Variants in SLC9A9 observed in about 807,000 individuals in gnomAD.
SLC9A9 encodes the protein sodium/hydrogen exchanger 9.
A neutral mutation model predicts 77.8 loss-of-function variants in SLC9A9; 62 were observed. The observed-to-expected ratio is 0.80, with a 90% CI of 0.65 to 0.98. The LOEUF is 0.98. Among genes scored for constraint, SLC9A9 ranks in the 50% least tolerant of loss-of-function variants. The probability of loss-of-function intolerance (pLI) is 0.00; values close to 1 mark genes in which losing one functional copy is unlikely to be tolerated. For synonymous variants in SLC9A9, 320 were observed against 283.5 expected (o/e 1.13, Z -1.29); for missense variants, 775 against 774.9 (o/e 1.00, Z 0.00).
chr3:143,297,333 T>C (rs1051038728), intron 14 of SLC9A9, among the ~76,000 whole-genome samples: 3 of 152,182 alleles, frequency 2.0e-5, no homozygotes, highest in African/African-American at 7.2e-5. Flanking sequence ...ATATACATGG[T>C]TTTCTTGTGT....
At chr3:143,621,071 G>C (rs1051922338) in intron 6 of SLC9A9, among the ~76,000 whole-genome samples, 14 of 152,192 alleles carry the variant, frequency 9.2e-5, no homozygotes, top group African/African-American at 3.4e-4. Context: ...CTGGGGGAGG[G>C]GCGCCCACCA....
intron 14 of SLC9A9, among the ~76,000 whole-genome samples, chr3:143,272,716 A>AT (rs1937931613): frequency 6.6e-6 from 1 of 152,042 alleles, no homozygotes; most frequent in Admixed American, 6.5e-5. Context: ...AAAATGTGTT[A>AT]TTTTTCTCAT....
At chr3:143,380,239 T>C (rs1396057521) in intron 13 of SLC9A9, among the ~76,000 whole-genome samples, 2 of 152,240 alleles carry the variant, frequency 1.3e-5, no homozygotes, top group African/African-American at 4.8e-5. Flanking sequence ...GATTTAACAA[T>C]GATGAACTTT....
chr3:143,800,993 T>A (rs764347077), intron 2 of SLC9A9, among the ~76,000 whole-genome samples: 26 of 152,304 alleles, frequency 1.7e-4, no homozygotes, highest in Non-Finnish European at 3.2e-4. Flanking sequence ...TTCCTAGGCA[T>A]GGTTGGATAC....
At chr3:143,405,429 T>C (rs2033956409) in intron 12 of SLC9A9, among the ~76,000 whole-genome samples, 1 of 152,170 alleles carries the variant, frequency 6.6e-6, no homozygotes, top group Non-Finnish European at 1.5e-5. Context: ...GGCCTACTTT[T>C]GTGGATACTC....
intron 9 of SLC9A9, among the ~76,000 whole-genome samples, chr3:143,530,953 C>T (rs72999706): frequency 0.065 from 9,911 of 152,120 alleles, 624 homozygotes; most frequent in African/African-American, 0.15. Flanking sequence ...GCTTGAACTG[C>T]GAGATATAAT....
chr3:143,447,794 A>G (rs112657759), intron 12 of SLC9A9, among the ~76,000 whole-genome samples: 2,947 of 152,278 alleles, frequency 0.019, 97 homozygotes, highest in African/African-American at 0.066. Context: ...GTCTACCCCA[A>G]TTTGAAGAAC....
chr3:143,832,010 G>GA lies in SLC9A9; in HGVS notation c.378+8dup, dbSNP rs746080119. 6.2e-7 allele frequency: 1 copy of GA among 1,607,728 alleles called. No individual in the cohort carries two copies. Among genetic ancestry groups the GA allele is most frequent in the South Asian group, 1.1e-5 (1 of 90,878 alleles). ...AAAACAAATATATAATACCAGACAG[G>GA]ATCCTTACCTTTTCAAGTATAGCAT... On this transcript the variant is annotated intron_variant, in intron 2 of 15. Coordinates refer to ENST00000316549, the MANE Select transcript of SLC9A9 (RefSeq NM_173653.4).
At chr3:143,606,056 A>G (rs1387692981) in intron 6 of SLC9A9, among the ~76,000 whole-genome samples, 4 of 152,160 alleles carry the variant, frequency 2.6e-5, no homozygotes, top group African/African-American at 9.7e-5. Context: ...AATCATATAA[A>G]TTAATATCCT....
At chr3:143,831,916 T>C (rs953389395) in intron 2 of SLC9A9, 103 bp downstream of exon 2, 2 of 1,022,308 alleles carry the variant, frequency 2.0e-6, no homozygotes, top group Non-Finnish European at 2.9e-6. Context: ...AAAATAGGCA[T>C]ATATGTGTGT....
intron 2 of SLC9A9, among the ~76,000 whole-genome samples, chr3:143,807,154 T>C (rs1167498483): frequency 6.6e-6 from 1 of 152,122 alleles, no homozygotes; most frequent in African/African-American, 2.4e-5. Flanking sequence ...AGAAAACAGT[T>C]GTGTGTAGGC....
At chr3:143,837,473 A>G (rs2009595992) in intron 1 of SLC9A9, among the ~76,000 whole-genome samples, 1 of 152,192 alleles carries the variant, frequency 6.6e-6, no homozygotes, top group Non-Finnish European at 1.5e-5. Context: ...AGAATAATCT[A>G]GATTCATGAG....
At chr3:143,446,233 G>T (rs1021027921) in intron 12 of SLC9A9, among the ~76,000 whole-genome samples, 2 of 151,950 alleles carry the variant, frequency 1.3e-5, no homozygotes, top group African/African-American at 4.8e-5. Context: ...AGAAGGGGGG[G>T]CCCTAACTGG....
intron 14 of SLC9A9, among the ~76,000 whole-genome samples, chr3:143,329,232 G>A (rs933322493): frequency 6.6e-6 from 1 of 152,154 alleles, no homozygotes; most frequent in Non-Finnish European, 1.5e-5. Context: ...TTTTTTGTCC[G>A]TTGAAGGTGA....
intron 14 of SLC9A9, among the ~76,000 whole-genome samples, chr3:143,309,437 T>C (rs928055167): frequency 2.7e-5 from 4 of 149,760 alleles, no homozygotes; most frequent in African/African-American, 9.9e-5. Flanking sequence ...AAAAAAAGGT[T>C]CATTTGGGGT....
intron 12 of SLC9A9, among the ~76,000 whole-genome samples, chr3:143,424,349 T>C (rs13094836): frequency 0.38 from 57,317 of 151,116 alleles, 11,237 homozygotes; most frequent in Middle Eastern, 0.47. Flanking sequence ...TCATTGCAAG[T>C]TCCGCCTCCC....
Position 143,775,947 on chromosome 3 carries a change from T to C in SLC9A9, c.533+19054A>G, listed in dbSNP as rs73154737. On this transcript the variant is annotated intron_variant, in intron 4 of 15. Transcript: ENST00000316549. ...AGCACCGTTAAAATCTAGCTTCAAC[T>C]CTACGTGGGTGTTAGTGGTTAAAAA... Among the ~76,000 whole-genome samples the C allele has an allele frequency of 5.6e-3, 851 of 152,316 alleles. 6 individuals are homozygous for C. Among genetic ancestry groups the C allele is most frequent in the Non-Finnish European group, 9.2e-3 (629 of 68,026 alleles).
intron 1 of SLC9A9, among the ~76,000 whole-genome samples, chr3:143,832,759 C>A (rs969623436): frequency 6.7e-6 from 1 of 150,070 alleles, no homozygotes; most frequent in Non-Finnish European, 1.5e-5. Context: ...ATAAGTAGAT[C>A]CAGTCCAAGA....
chr3:143,624,575 C>T (rs994847508), intron 6 of SLC9A9, among the ~76,000 whole-genome samples: 1 of 152,134 alleles, frequency 6.6e-6, no homozygotes, highest in Non-Finnish European at 1.5e-5. Flanking sequence ...GCCCCTCATG[C>T]TAAAAACTCT....
Sources: gnomAD v4.1 joint callset for allele counts (sites outside exome capture counted in the v4.1 genomes callset) on GRCh38, gnomAD v4.1.1 for gene constraint, MANE v1.5 for transcripts, NCBI Gene and HGNC (gene_info 2026-07-23, HGNC 2026-07-21) for gene names.